WDR37: variants seen among roughly 807,000 people sequenced by gnomAD.
The protein encoded by WDR37 is WD repeat domain 37.
In WDR37, 19 loss-of-function variants were observed where a neutral mutation model predicts 62.9. That is an observed-to-expected ratio of 0.30 (90% CI 0.21 to 0.44). The LOEUF is 0.44. Among genes scored for constraint, WDR37 ranks in the 20% least tolerant of loss-of-function variants. The pLI is 1.00. For missense variants in WDR37, 474 were observed against 657.6 expected (o/e 0.72, Z 3.05); for synonymous variants, 250 against 260.9 (o/e 0.96, Z 0.40).
At chr10:1,066,405 C>T (rs1046372634) in intron 1 of WDR37, among the ~76,000 whole-genome samples, 13 of 152,162 alleles carry the variant, frequency 8.5e-5, no homozygotes, top group Non-Finnish European at 8.8e-5. Context: ...CGTGAGCCAC[C>T]TCGCCCAGCC....
chr10:1,124,957 A>G lies in WDR37; in HGVS notation c.1286A>G (p.Asn429Ser), dbSNP rs1469339349. 6.2e-7 allele frequency: 1 copy of G among 1,614,150 alleles called. No homozygotes were observed. The highest frequency in any genetic ancestry group is 1.3e-5 in the African/African-American group (1 of 75,022). The stretch of plus-strand genomic sequence containing the variant: ...AAAATCATAGCCCTCCCCCATGACA[A>G]CCGACAAGTGAGACTGTTTGATATG... ...GQKIIALPHD[N>S]RQVRLFDMSG... The change falls in exon 13 of 14, where the codon AAC becomes AGC. Residue 429 changes from asparagine (N) to serine (S), a missense_variant. Transcript: ENST00000263150.
chr10:1,103,703 C>T lies in WDR37; in HGVS notation c.828C>T (p.Ser276=), dbSNP rs1230680779. The change falls in exon 10 of 14, where the codon TCC becomes TCT. Residue 276 remains serine (S), a synonymous_variant. Coordinates refer to ENST00000263150, the MANE Select transcript of WDR37 (RefSeq NM_014023.4). The surrounding 1 kb of genome is among the most constrained non-coding windows in gnomAD (Gnocchi z 6.3). ...DCPTIRVPLT[S]LKSHQGVVIA... Reference sequence around the variant, plus strand: ...CCACCATCCGCGTCCCACTGACATCCCTCAAGAGCCACCAGGGCGTGGTCA... The same window carrying T: ...CCACCATCCGCGTCCCACTGACATCTCTCAAGAGCCACCAGGGCGTGGTCA... 2 of 1,614,218 alleles carry T rather than the reference C, an allele frequency of 1.2e-6. No individual in the cohort carries two copies. The highest frequency in any genetic ancestry group is 1.7e-6 in the Non-Finnish European group (2 of 1,180,042).
rs1042269378 is a variant in WDR37 at position 1,131,864 on chromosome 10, G to A, written c.*2520G>A. 9 of 152,564 alleles carry A rather than the reference G, an allele frequency of 5.9e-5. No homozygotes were observed. Among genetic ancestry groups the A allele is most frequent in the African/African-American group, 1.4e-4 (6 of 41,438 alleles). 9.5% of individuals were successfully genotyped at this position (152,564 alleles called of 1,614,324 possible). Reference sequence around the variant, plus strand: ...GGAAAATGTGTGGTTACTGAAAACTGTATATGATACAGAATTTCATAAGAG... The same window carrying A: ...GGAAAATGTGTGGTTACTGAAAACTATATATGATACAGAATTTCATAAGAG... On this transcript the variant is annotated 3_prime_UTR_variant, in exon 14 of 14. Coordinates refer to ENST00000263150, the MANE Select transcript of WDR37 (RefSeq NM_014023.4).
intron 1 of WDR37, among the ~76,000 whole-genome samples, chr10:1,064,205 AAAG>A (rs1833464315): frequency 6.6e-6 from 1 of 152,250 alleles, no homozygotes; most frequent in Non-Finnish European, 1.5e-5. Flanking sequence ...AGGACAGACA[AAAG>A]AAGCTGTCAA....
At chr10:1,068,701 A>G (rs1419699830) in intron 1 of WDR37, among the ~76,000 whole-genome samples, 1 of 152,214 alleles carries the variant, frequency 6.6e-6, no homozygotes, top group African/African-American at 2.4e-5. Context: ...TTAGAAAAAA[A>G]CCACAAAAAC....
intron 11 of WDR37, among the ~76,000 whole-genome samples, chr10:1,113,891 C>T (rs2131677069): frequency 6.7e-6 from 1 of 148,556 alleles, no homozygotes; most frequent in South Asian, 2.1e-4. Flanking sequence ...AGTGGTAAAG[C>T]AGTGGTAGGG....
chr10:1,070,238 A>G (rs773096361), intron 1 of WDR37, among the ~76,000 whole-genome samples: 2 of 151,732 alleles, frequency 1.3e-5, no homozygotes, highest in African/African-American at 2.4e-5. Flanking sequence ...TGGGAACTTC[A>G]TAACTCACAT....
intron 2 of WDR37, among the ~76,000 whole-genome samples, chr10:1,076,279 A>G (rs995428535): frequency 1.3e-5 from 2 of 152,096 alleles, no homozygotes; most frequent in Admixed American, 6.5e-5. Flanking sequence ...GAAATCTGTG[A>G]TAACTGTAAA....
intron 8 of WDR37, among the ~76,000 whole-genome samples, chr10:1,095,495 A>T (rs898235303): frequency 2.0e-5 from 3 of 152,278 alleles, no homozygotes; most frequent in Middle Eastern, 3.4e-3. Context: ...CAGTACATTC[A>T]TTTGCATCAA....
In WDR37 at chr10:1,080,255, C is replaced by T. The variant is rs182032342; in HGVS notation, c.331+149C>T. On this transcript the variant is annotated intron_variant, in intron 4 of 13. Transcript: ENST00000263150. The stretch of plus-strand genomic sequence containing the variant: ...TGTGGGTCTAGGAGAATAAGGAGCT[C>T]GGTTCTTGTTCCTGTTCTGCCATGG... 106 of 1,260,896 alleles carry T rather than the reference C, an allele frequency of 8.4e-5. No individual in the cohort carries two copies. In the African/African-American group the frequency reaches 1.5e-3, roughly 18 times the overall value. 78.1% of individuals were successfully genotyped at this position (1,260,896 alleles called of 1,614,324 possible).
In WDR37 at chr10:1,129,675, A is replaced by ACC; in HGVS notation, c.*331_*332insCC. ...ATTACATTTGTGTGAATTAAATGTG[A>ACC]ACTTCTGTATTACGTTGCGGCGTCG... On this transcript the variant is annotated 3_prime_UTR_variant, in exon 14 of 14. Coordinates refer to ENST00000263150, the MANE Select transcript of WDR37 (RefSeq NM_014023.4). The ACC allele has an allele frequency of 2.5e-5, 5 of 199,894 alleles. No homozygotes were observed. Among genetic ancestry groups the ACC allele is most frequent in the South Asian group, 2.0e-4 (2 of 10,050 alleles). The allele number at this position is 199,894 out of a possible 1,614,324, so 12.4% of individuals were successfully genotyped here. A position where few individuals can be genotyped will look rare whatever the true frequency, so the allele number is the denominator to read the frequency against.
chr10:1,093,556 T>C lies in WDR37; in HGVS notation c.649+60T>C, dbSNP rs1447361809. 3.0e-6 allele frequency: 4 copies of C among 1,338,864 alleles called. No individual in the cohort carries two copies. The Admixed American group carries it at 7.9e-5, about 27-fold the overall frequency. 82.9% of individuals were successfully genotyped at this position (1,338,864 alleles called of 1,614,324 possible). A position where few individuals can be genotyped will look rare whatever the true frequency, so the allele number is the denominator to read the frequency against. ...TAGATGGTCTTAAAACAACTATAAA[T>C]ATTCCTTTCTTATCGTAGCAGAATA... On this transcript the variant is annotated intron_variant, in intron 8 of 13. Coordinates refer to ENST00000263150, the MANE Select transcript of WDR37 (RefSeq NM_014023.4).
intron 11 of WDR37, among the ~76,000 whole-genome samples, chr10:1,106,935 C>T (rs1835042193): frequency 1.3e-5 from 2 of 152,230 alleles, no homozygotes; most frequent in South Asian, 4.1e-4. Flanking sequence ...CAGCCTGGGT[C>T]TGTTCTGGGG....
intron 7 of WDR37, among the ~76,000 whole-genome samples, chr10:1,091,929 C>T (rs771929364): frequency 6.6e-6 from 1 of 152,164 alleles, no homozygotes; most frequent in Non-Finnish European, 1.5e-5. Context: ...GCCTGTAATC[C>T]TAGCACTTTG....
At chr10:1,075,272 C>A (rs1833839962) in intron 2 of WDR37, among the ~76,000 whole-genome samples, 1 of 135,242 alleles carries the variant, frequency 7.4e-6, no homozygotes, top group South Asian at 2.3e-4. Flanking sequence ...CATAGCAATT[C>A]CTTTTTTTTT....
At chr10:1,108,154 T>G (rs1007519081) in intron 11 of WDR37, among the ~76,000 whole-genome samples, 5 of 152,234 alleles carry the variant, frequency 3.3e-5, no homozygotes, top group African/African-American at 1.2e-4. Context: ...TAGTAAAAAT[T>G]CTATGGCATC....
intron 13 of WDR37, among the ~76,000 whole-genome samples, chr10:1,126,368 T>A (rs182624320): frequency 5.4e-5 from 8 of 147,536 alleles, no homozygotes; most frequent in African/African-American, 1.3e-4. Context: ...ATCGCGCCAC[T>A]GCACTCCAGC....
rs1834130598 is a variant in WDR37 at position 1,084,410 on chromosome 10, C to T, written c.404C>T (p.Ser135Phe). The T allele has an allele frequency of 1.2e-6, 2 of 1,612,264 alleles. No homozygotes were observed. The highest frequency in any genetic ancestry group is 1.7e-6 in the Non-Finnish European group (2 of 1,178,386). The change falls in exon 6 of 14, where the codon TCC (serine) becomes TTC (phenylalanine). Residue 135 changes from serine to phenylalanine, a missense_variant. Physicochemically the swap from Ser to Phe is radical, Grantham distance 155. Transcript: ENST00000263150. ...TYKASTSKIVSSFKTTTSRAA... is the reference protein window; with the variant it reads ...TYKASTSKIVFSFKTTTSRAA... ...TCCCCATCTTGGTTTCAGATTGTCTCCAGCTTTAAGACCACGACATCGAGA... is the reference window on the plus strand; with the variant it reads ...TCCCCATCTTGGTTTCAGATTGTCTTCAGCTTTAAGACCACGACATCGAGA...
chr10:1,106,760 G>A (rs1343818803), intron 11 of WDR37, among the ~76,000 whole-genome samples: 5 of 152,230 alleles, frequency 3.3e-5, no homozygotes, highest in African/African-American at 7.2e-5. Context: ...CAGGTGATCC[G>A]CCTGCCTCAG....
Sources: allele counts gnomAD v4.1 joint callset (sites outside exome capture counted in the v4.1 genomes callset), GRCh38; gene constraint gnomAD v4.1.1; non-coding constraint Gnocchi (gnomAD v3.1); transcripts MANE v1.5; gene names NCBI Gene and HGNC (gene_info 2026-07-23, HGNC 2026-07-21).